Variants in FARP2 observed in about 807,000 individuals in gnomAD.
The protein encoded by FARP2 is FERM, ARH/RhoGEF and pleckstrin domain protein 2.
FARP2 carries 111 observed loss-of-function variants against 130.5 expected under a neutral mutation model. The observed-to-expected ratio is 0.85, with a 90% CI of 0.73 to 1.00. The LOEUF is 1.00. FARP2 is among the 50% of genes least tolerant of loss of function. The probability of loss-of-function intolerance (pLI) is 0.00; values close to 1 mark genes in which losing one functional copy is unlikely to be tolerated. For missense variants in FARP2, 1,385 were observed against 1,346.3 expected (o/e 1.03, Z -0.45); for synonymous variants, 504 against 516.9 (o/e 0.98, Z 0.34).
chr2:241,439,128 A>C (rs2063320905), intron 12 of FARP2, among the ~76,000 whole-genome samples: 1 of 147,778 alleles, frequency 6.8e-6, no homozygotes, highest in Non-Finnish European at 1.5e-5. Context: ...TGATCCTTCC[A>C]CCTCAGCCTC....
At chr2:241,489,424 A>G (rs1466482625) in intron 21 of FARP2, 1 of 152,496 alleles carries the variant, frequency 6.6e-6, no homozygotes, top group Non-Finnish European at 1.5e-5. Context: ...GACTTCTGAT[A>G]GGATGAATGT....
intron 15 of FARP2, among the ~76,000 whole-genome samples, chr2:241,462,892 G>A (rs2064062583): frequency 6.6e-6 from 1 of 151,970 alleles, no homozygotes; most frequent in South Asian, 2.1e-4. Flanking sequence ...GTTTCACCAT[G>A]TTGGCCAGGC....
intron 2 of FARP2, chr2:241,387,345 A>G (rs1396893394): frequency 2.6e-5 from 4 of 152,248 alleles, no homozygotes; most frequent in Non-Finnish European, 4.4e-5. Context: ...ACTACGTTGT[A>G]TATAGAAAAG....
chr2:241,389,138 G>A (rs1200708631), intron 2 of FARP2, among the ~76,000 whole-genome samples: 2 of 151,960 alleles, frequency 1.3e-5, no homozygotes, highest in Non-Finnish European at 2.9e-5. Flanking sequence ...AAAATCAGCT[G>A]GGCATTGTGG....
rs115242492 is a variant in FARP2 at position 241,399,802 on chromosome 2, G to A, written c.184-4026G>A. ...TGCCTACCCCAAGCTTTATTGTTGT[G>A]CCTTTCCGTGATTCATATTGAATTA... On this transcript the variant is annotated intron_variant, in intron 2 of 26. Coordinates refer to ENST00000264042, the MANE Select transcript of FARP2 (RefSeq NM_014808.4). Among the ~76,000 whole-genome samples, 870 of 152,196 alleles carry A rather than the reference G, an allele frequency of 5.7e-3. 15 individuals carry two copies. The highest frequency in any genetic ancestry group is 0.019 in the African/African-American group (809 of 41,518).
At chr2:241,417,923 A>T (rs780250698) in intron 7 of FARP2, 39 bp from the exon 8 acceptor site, 7 of 1,605,454 alleles carry the variant, frequency 4.4e-6, no homozygotes, top group Non-Finnish European at 6.0e-6. Flanking sequence ...TCAGAAATCA[A>T]GTGTTTGTAG....
intron 18 of FARP2, among the ~76,000 whole-genome samples, chr2:241,473,597 C>T (rs1020409103): frequency 6.6e-6 from 1 of 152,226 alleles, no homozygotes; most frequent in African/African-American, 2.4e-5. Context: ...GTCAGGCTCC[C>T]AGCCCTGCAA....
chr2:241,374,933 C>T (rs965816290), intron 2 of FARP2, among the ~76,000 whole-genome samples: 3 of 152,130 alleles, frequency 2.0e-5, no homozygotes, highest in African/African-American at 7.2e-5. Flanking sequence ...AGTCTGGACA[C>T]TTAATTAGGC....
chr2:241,376,854 C>T (rs2061546618), intron 2 of FARP2, among the ~76,000 whole-genome samples: 1 of 152,194 alleles, frequency 6.6e-6, no homozygotes. Context: ...CATCCTAGTG[C>T]CTGCTTGCTG....
intron 19 of FARP2, chr2:241,478,519 G>T (rs1474340680): frequency 2.6e-6 from 1 of 380,122 alleles, no homozygotes; most frequent in Non-Finnish European, 5.5e-6. Flanking sequence ...TGTACTCCTT[G>T]TATCAGGCTA....
chr2:241,468,339 A>C lies in FARP2; in HGVS notation c.2093A>C (p.His698Pro). The change falls in exon 18 of 27, where the codon CAT (histidine) becomes CCT (proline). Residue 698 changes from histidine (H) to proline (P), a missense_variant. By Grantham distance (77) the His-to-Pro change is moderately conservative. Coordinates refer to ENST00000264042, the MANE Select transcript of FARP2 (RefSeq NM_014808.4). ...CTGCTGCTGCGCCGCCTATGCGGACATTACAGCCCCGGGCACCATGACTAC... is the reference window on the plus strand; with the variant it reads ...CTGCTGCTGCGCCGCCTATGCGGACCTTACAGCCCCGGGCACCATGACTAC... ...YRLLLRRLCG[H>P]YSPGHHDYAD... The C allele has an allele frequency of 6.2e-7, 1 of 1,613,470 alleles. No homozygotes were observed. Among genetic ancestry groups the C allele is most frequent in the South Asian group, 1.1e-5 (1 of 91,084 alleles).
chr2:241,435,061 G>A lies in FARP2; in HGVS notation c.1100+31G>A, dbSNP rs777166352. 1.0e-5 allele frequency: 14 copies of A among 1,336,642 alleles called. No homozygotes were observed. In the East Asian group the frequency reaches 1.4e-4, roughly 14 times the overall value. The allele number at this position is 1,336,642 out of a possible 1,614,324, so 82.8% of individuals were successfully genotyped here. Reference sequence around the variant, plus strand: ...CTCTGGCCTTTATGATGTAAAGTGTGTGCTTTTAAAATTAAAATTTAAATA... The same window carrying A: ...CTCTGGCCTTTATGATGTAAAGTGTATGCTTTTAAAATTAAAATTTAAATA... On this transcript the variant is annotated intron_variant, in intron 11 of 26. Coordinates refer to ENST00000264042, the MANE Select transcript of FARP2 (RefSeq NM_014808.4).
intron 6 of FARP2, 26 bp downstream of exon 6, chr2:241,411,156 G>A: frequency 6.6e-7 from 1 of 1,511,540 alleles, no homozygotes; most frequent in Non-Finnish European, 9.2e-7. Context: ...CCAGCGGGGA[G>A]CATTCACTGA....
At chr2:241,441,867 T>C in intron 13 of FARP2, 1 of 458,244 alleles carries the variant, frequency 2.2e-6, no homozygotes, top group Non-Finnish European at 4.0e-6. Flanking sequence ...AGGCGTTTTC[T>C]TTTCCTTATG....
chr2:241,441,505 G>C lies in FARP2; in HGVS notation c.1360G>C (p.Asp454His). Residue 454 changes from aspartate to histidine, a missense_variant, in exon 13 of 27, where the codon GAC (aspartate) becomes CAC (histidine). Physicochemically the swap from Asp to His is moderately conservative, Grantham distance 81. Coordinates refer to ENST00000264042, the MANE Select transcript of FARP2 (RefSeq NM_014808.4). ...RRSGAVAGGP[D>H]TPSAQPLGPP... ...CAGTGGAGCAGTGGCTGGAGGCCCC[G>C]ACACACCATCGGCCCAGCCCCTCGG... The C allele has an allele frequency of 1.2e-6, 2 of 1,613,918 alleles. No individual in the cohort carries two copies. The highest frequency in any genetic ancestry group is 1.1e-5 in the South Asian group (1 of 91,088).
At chr2:241,448,700 A>G (rs186525388) in intron 13 of FARP2, among the ~76,000 whole-genome samples, 23 of 152,366 alleles carry the variant, frequency 1.5e-4, no homozygotes, top group Admixed American at 9.8e-4. Flanking sequence ...AGGAAGGAAA[A>G]GGTCTCGTTT....
At chr2:241,442,753 C>T (rs572642456) in intron 13 of FARP2, 2 of 314,758 alleles carry the variant, frequency 6.4e-6, no homozygotes, top group African/African-American at 4.4e-5. Context: ...GACCTGAGTA[C>T]TCCAGCCAGT....
chr2:241,463,813 C>T (rs2064092919), intron 16 of FARP2, 86 bp from the exon 17 acceptor site: 1 of 1,193,504 alleles, frequency 8.4e-7, no homozygotes, highest in Non-Finnish European at 1.2e-6. Flanking sequence ...CAGCTGGAAC[C>T]AAGGCAGCTG....
chr2:241,372,868 A>T, intron 1 of FARP2: 1 of 287,620 alleles, frequency 3.5e-6, no homozygotes, highest in Non-Finnish European at 6.4e-6. Flanking sequence ...AAATATTGTT[A>T]TTGAGGGTGG....
Sources: allele counts gnomAD v4.1 joint callset (sites outside exome capture counted in the v4.1 genomes callset), GRCh38; gene constraint gnomAD v4.1.1; transcripts MANE v1.5; gene names NCBI Gene and HGNC (gene_info 2026-07-23, HGNC 2026-07-21).